C9orf72: variants seen among roughly 807,000 people sequenced by gnomAD.
The protein encoded by C9orf72 is C9orf72-SMCR8 complex subunit.
In C9orf72, 44 loss-of-function variants were observed where a neutral mutation model predicts 51.6. The ratio of observed to expected loss-of-function variants is 0.85; its 90% confidence interval spans 0.67 to 1.10. The LOEUF is 1.10. Among genes scored for constraint, C9orf72 ranks in the 50% least tolerant of loss-of-function variants. The pLI is 0.00. For synonymous variants in C9orf72, 213 were observed against 194.2 expected, an observed-to-expected ratio of 1.10 and a Z score of -0.81; for missense variants, 607 against 570.6, an observed-to-expected ratio of 1.06 and a Z score of -0.65.
At chr9:27,561,431 A>G in intron 5 of C9orf72, 154 bp downstream of exon 5, 1 of 1,409,748 alleles carries the variant, frequency 7.1e-7, no homozygotes, top group Non-Finnish European at 9.2e-7. Context: ...AATGAGTGAA[A>G]AATAACACAA....
intron 8 of C9orf72, among the ~76,000 whole-genome samples, chr9:27,553,462 A>G (rs1820949522): frequency 6.6e-6 from 1 of 152,216 alleles, no homozygotes; most frequent in African/African-American, 2.4e-5. Context: ...GCAATGGGGA[A>G]AGGACTCCGT....
rs1819304633 is a variant in C9orf72, at chr9:27,560,209, G to C, written c.738+18C>G. 2 of 1,529,086 alleles carry C rather than the reference G, an allele frequency of 1.3e-6. No individual in the cohort carries two copies. The highest frequency in any genetic ancestry group is 9.0e-7 in the Non-Finnish European group (1 of 1,116,186). 94.7% of individuals were successfully genotyped at this position (1,529,086 alleles called of 1,614,324 possible). A position where few individuals can be genotyped will look rare whatever the true frequency, so the allele number is the denominator to read the frequency against. ...TCTTAAAGAGTCAAATCATTTGCTA[G>C]ATTATAAAATAAACTACCTTATTTA... On this transcript the variant is annotated intron_variant, in intron 6 of 10. Coordinates refer to ENST00000380003, the MANE Select transcript of C9orf72 (RefSeq NM_018325.5).
At chr9:27,573,807 GGCGGAACT>G (rs546040555), upstream of C9orf72, 10 of 152,276 alleles carry the variant, frequency 6.6e-5, no homozygotes, top group Non-Finnish European at 1.5e-4. Flanking sequence ...CTTTTACGTG[GGCGGAACT>G]TGTCGCTGTT....
intron 3 of C9orf72, among the ~76,000 whole-genome samples, chr9:27,563,030 T>TA (rs954053835): frequency 7.4e-5 from 2 of 26,976 alleles, no homozygotes; most frequent in South Asian, 0.016. Flanking sequence ...AAATTTGAGA[T>TA]AAAAAAAATT....
rs1587300211 is a variant in C9orf72 at position 27,551,216 on chromosome 9, C to A, written c.1092-509G>T. Among the ~76,000 whole-genome samples, 4 of 152,308 alleles carry A rather than the reference C, an allele frequency of 2.6e-5. 1 individual carries two copies. The highest frequency in any genetic ancestry group is 2.6e-4 in the Admixed American group (4 of 15,304). ...TCCGATGATTATCCACTGGGTTTGC[C>A]TCAACAAGCCCACCATCTGTAAGTA... On this transcript the variant is annotated intron_variant, in intron 8 of 10. Transcript: ENST00000380003.
chr9:27,567,797 G>T (rs1387315920), intron 1 of C9orf72, among the ~76,000 whole-genome samples: 1 of 152,108 alleles, frequency 6.6e-6, no homozygotes, highest in Non-Finnish European at 1.5e-5. Context: ...ATGGTAGACA[G>T]CCATGTGAAG....
Position 27,573,448 on chromosome 9 carries a change from C to A in C9orf72, c.-62G>T, listed in dbSNP as rs1819636231. 1 of 150,016 alleles carries A rather than the reference C, an allele frequency of 6.7e-6. No homozygotes were observed. The highest frequency in any genetic ancestry group is 1.8e-4 in the South Asian group (1 of 5,466). The allele number at this position is 150,016 out of a possible 1,614,324, so 9.3% of individuals were successfully genotyped here. On this transcript the variant is annotated 5_prime_UTR_variant, in exon 1 of 11. Transcript: ENST00000380003. ...TCACTCACCCACTCGCCACCGCCTG[C>A]GCCTCCGCCGCCGCGGGCGCAGGCA... is the stretch of plus-strand genomic sequence containing the variant.
At chr9:27,567,782 G>C (rs903969285) in intron 1 of C9orf72, among the ~76,000 whole-genome samples, 8 of 152,124 alleles carry the variant, frequency 5.3e-5, no homozygotes, top group Non-Finnish European at 1.2e-4. Context: ...GAGACACAGA[G>C]ACAAATGGTA....
intron 1 of C9orf72, among the ~76,000 whole-genome samples, chr9:27,572,868 A>C (rs542852701): frequency 6.6e-6 from 1 of 152,288 alleles, no homozygotes; most frequent in South Asian, 2.1e-4. Context: ...CAGAATGGGG[A>C]GCACACCGAC....
chr9:27,562,604 A>C, intron 3 of C9orf72, 128 bp from the exon 4 acceptor site: 1 of 451,080 alleles, frequency 2.2e-6, no homozygotes, highest in Middle Eastern at 5.1e-4. Flanking sequence ...GTTCAAACAC[A>C]GTATCAAACA....
At chr9:27,552,515 A>ATTTTTTTTTTTT (rs71492751) in intron 8 of C9orf72, among the ~76,000 whole-genome samples, 4 of 105,648 alleles carry the variant, frequency 3.8e-5, no homozygotes, top group Middle Eastern at 5.4e-3. Context: ...TACCAAGCTA[A>ATTTTTTTTTTTT]TTTTTTTTTT....
intron 5 of C9orf72, 177 bp downstream of exon 5, chr9:27,561,408 T>G: frequency 7.3e-7 from 1 of 1,374,006 alleles, no homozygotes; most frequent in Non-Finnish European, 9.4e-7. Flanking sequence ...ACACCAAATA[T>G]ATATAGAAAT....
At chr9:27,561,691 C>G (rs776271763) in intron 4 of C9orf72, 42 bp from the exon 5 acceptor site, 13 of 1,277,154 alleles carry the variant, frequency 1.0e-5, no homozygotes, top group African/African-American at 1.5e-5. Context: ...CTGGCTGTAA[C>G]ATAGTGTTGA....
Position 27,562,477 on chromosome 9 carries a change from C to T in C9orf72, c.505-1G>A. On this transcript the variant is annotated splice_acceptor_variant, in intron 3 of 10. Coordinates refer to ENST00000380003, the MANE Select transcript of C9orf72 (RefSeq NM_018325.5). LOFTEE classifies it high-confidence loss of function. The stretch of plus-strand genomic sequence containing the variant: ...TAAGCATTGGAATAATACTCTGACC[C>T]TGCACAATAAAGTGACATGAAGTGA... The T allele has an allele frequency of 6.6e-7, 1 of 1,519,736 alleles. No homozygotes were observed. The highest frequency in any genetic ancestry group is 8.9e-7 in the Non-Finnish European group (1 of 1,122,742). 94.1% of individuals were successfully genotyped at this position (1,519,736 alleles called of 1,614,324 possible).
intron 1 of C9orf72, among the ~76,000 whole-genome samples, chr9:27,567,661 C>T (rs766764115): frequency 2.0e-5 from 3 of 152,164 alleles, no homozygotes; most frequent in South Asian, 2.1e-4. Context: ...CCTTGGTGTA[C>T]GTGAATGTGA....
At chr9:27,556,965 A>T (rs1307646632) in intron 7 of C9orf72, among the ~76,000 whole-genome samples, 169 bp from the exon 8 acceptor site, 1 of 152,214 alleles carries the variant, frequency 6.6e-6, no homozygotes, top group African/African-American at 2.4e-5. Context: ...TGTTCAGTAT[A>T]GCATTGGTTT....
intron 1 of C9orf72, among the ~76,000 whole-genome samples, chr9:27,570,713 A>G (rs1819567782): frequency 1.3e-5 from 2 of 152,058 alleles, no homozygotes; most frequent in African/African-American, 4.8e-5. Context: ...TAAAAATACA[A>G]AAAATTAGCC....
rs201261393 is a variant in C9orf72 at position 27,556,778 on chromosome 9, C to T, written c.874G>A (p.Val292Met). The change falls in exon 8 of 11, where the codon GTG (valine) becomes ATG (methionine). Residue 292 changes from valine (V) to methionine (M), a missense_variant. Physicochemically the swap from Val to Met is conservative, Grantham distance 21 (BLOSUM62 1). Coordinates refer to ENST00000380003, the MANE Select transcript of C9orf72 (RefSeq NM_018325.5). ...GLLKDSTGSF[V>M]LPFRQVMYAP... ...TACATGACTTGCCGGAAAGGCAGCA[C>T]AAAGCTTCCAGTTGAATCCTGTCAA... 35 of 1,612,906 alleles carry T rather than the reference C, an allele frequency of 2.2e-5. No individual in the cohort carries two copies. In the East Asian group the frequency reaches 7.6e-4, roughly 35 times the overall value.
intron 5 of C9orf72, chr9:27,561,311 A>G: frequency 8.3e-7 from 1 of 1,205,772 alleles, no homozygotes; most frequent in South Asian, 2.1e-5. Flanking sequence ...TTTAATGAGA[A>G]GTAAAACAAG....
Sources: gnomAD v4.1 joint callset for allele counts (sites outside exome capture counted in the v4.1 genomes callset) on GRCh38, gnomAD v4.1.1 for gene constraint, MANE v1.5 for transcripts, NCBI Gene and HGNC (gene_info 2026-07-23, HGNC 2026-07-21) for gene names.